Variants in E2F7 observed in about 807,000 individuals in gnomAD.
The protein encoded by E2F7 is E2F transcription factor 7.
E2F7 carries 35 observed loss-of-function variants against 81.1 expected under a neutral mutation model. The observed-to-expected ratio is 0.43, with a 90% CI of 0.33 to 0.57. The LOEUF is 0.57. Among genes scored for constraint, E2F7 ranks in the 20% least tolerant of loss-of-function variants. E2F7 has a pLI of 0.04. For missense variants in E2F7, 961 were observed against 1,093.7 expected (o/e 0.88, Z 1.71); for synonymous variants, 416 against 416.2 (o/e 1.00, Z 0.01).
chr12:77,063,715 C>G (rs1955096218), intron 2 of E2F7, among the ~76,000 whole-genome samples: 1 of 152,118 alleles, frequency 6.6e-6, no homozygotes, highest in Non-Finnish European at 1.5e-5. Flanking sequence ...TAGCAATTAT[C>G]AAGTATTCTT....
chr12:77,036,443 T>C (rs184006026), intron 7 of E2F7, among the ~76,000 whole-genome samples: 1 of 152,174 alleles, frequency 6.6e-6, no homozygotes, highest in Non-Finnish European at 1.5e-5. Flanking sequence ...GATGATTGCC[T>C]GAGCCCAGGA....
chr12:77,029,680 G>T, intron 10 of E2F7, 151 bp downstream of exon 10: 2 of 1,260,584 alleles, frequency 1.6e-6, no homozygotes, highest in Non-Finnish European at 2.2e-6. Flanking sequence ...CAAGATTTTT[G>T]GCAGAGCCAC....
In E2F7 at chr12:77,046,085, G is replaced by C; in HGVS notation, c.782C>G (p.Ser261Cys). The C allele has an allele frequency of 6.2e-7, 1 of 1,614,216 alleles. No individual in the cohort carries two copies. The highest frequency in any genetic ancestry group is 2.2e-5 in the East Asian group (1 of 44,890). Residue 261 changes from serine to cysteine, a missense_variant, in exon 5 of 13, where the codon TCC (serine) becomes TGC (cysteine). Transcript: ENST00000322886. ...GERKKDGDPD[S>C]QEQQLLDFSE... is the part of the protein sequence containing the mutation. ...GAAATCCAGTAACTGTTGTTCCTGG[G>C]AATCTGGATCACCATCTTTTTTACG... is the stretch of plus-strand genomic sequence containing the variant.
At position 77,055,257 on chromosome 12, in the gene E2F7, A is replaced by G. The variant is rs370952499; in HGVS notation, c.369+598T>C. 2.4e-4 allele frequency among the ~76,000 whole-genome samples: 36 copies of G among 152,238 alleles called. No individual in the cohort carries two copies. The South Asian group carries it at 7.0e-3, about 30-fold the overall frequency. On this transcript the variant is annotated intron_variant, in intron 3 of 12. Transcript: ENST00000322886. ...TTTGGCAATTTTTATAGCTTGAAAA[A>G]TCCGCCAAAAAGAGAAAAATGGTTA... is the stretch of plus-strand genomic sequence containing the variant.
chr12:77,045,756 C>T, intron 5 of E2F7: 1 of 382,762 alleles, frequency 2.6e-6, no homozygotes, highest in East Asian at 4.1e-5. Flanking sequence ...CAAAAAGAAC[C>T]AGCATGGGGC....
At chr12:77,052,266 A>G (rs571223116) in intron 3 of E2F7, among the ~76,000 whole-genome samples, 41 of 152,216 alleles carry the variant, frequency 2.7e-4, no homozygotes, top group Non-Finnish European at 6.0e-4. Flanking sequence ...ATGGAAGAAC[A>G]AACAGCCCAG....
rs756117596 is a variant in E2F7 at position 77,046,118 on chromosome 12, A to G, written c.749T>C (p.Phe250Ser). 3 of 1,614,146 alleles carry G rather than the reference A, an allele frequency of 1.9e-6. No homozygotes were observed. Among genetic ancestry groups the G allele is most frequent in the East Asian group, 2.2e-5 (1 of 44,880 alleles). Residue 250 changes from phenylalanine to serine, a missense_variant, in exon 5 of 13, where the codon TTT (phenylalanine) becomes TCT (serine). This residue lies in a region of E2F7 where 301 missense variants were observed against 405.0 expected (regional missense o/e 0.74). Transcript: ENST00000322886. ...QKELDLIDYK[F>S]GERKKDGDPD... ...ATCACCATCTTTTTTACGTTCTCCA[A>G]ATTTATAATCTATCAGGTCCAGCTC...
At position 77,040,032 on chromosome 12, in the gene E2F7, G is replaced by A. The variant is rs548245080; in HGVS notation, c.1123+3033C>T. On this transcript the variant is annotated intron_variant, in intron 7 of 12. Transcript: ENST00000322886. ...ATTCACAGTAGTTATGTTCTATAAA[G>A]TCACTGCAAACACTGAATTAGCAAA... Among the ~76,000 whole-genome samples the A allele has an allele frequency of 1.2e-4, 18 of 152,286 alleles. No homozygotes were observed. The East Asian group carries it at 1.5e-3, about 13-fold the overall frequency.
In E2F7 at chr12:77,034,054, A is replaced by G; in HGVS notation, c.1124-12T>C. On this transcript the variant is annotated splice_polypyrimidine_tract_variant and intron_variant, in intron 7 of 12. Transcript: ENST00000322886. Reference sequence around the variant, plus strand: ...CACCAGTTCTTCATCTACATAAACGAGAGAATTGGTAGTGTTGTTATACAG... The same window carrying G: ...CACCAGTTCTTCATCTACATAAACGGGAGAATTGGTAGTGTTGTTATACAG... 1 of 1,607,964 alleles carries G rather than the reference A, an allele frequency of 6.2e-7. No homozygotes were observed. The highest frequency in any genetic ancestry group is 8.5e-7 in the Non-Finnish European group (1 of 1,177,270).
In E2F7 at chr12:77,023,885, G is replaced by A. The variant is rs1331671451; in HGVS notation, c.*130C>T. On this transcript the variant is annotated 3_prime_UTR_variant, in exon 13 of 13. Coordinates refer to ENST00000322886, the MANE Select transcript of E2F7 (RefSeq NM_203394.3). ...GAAATCAGATGATTGATGGTGGTGGGAAGTTAACAGAAGTGTGGATGAAAG... is the reference window on the plus strand; with the variant it reads ...GAAATCAGATGATTGATGGTGGTGGAAAGTTAACAGAAGTGTGGATGAAAG... The A allele has an allele frequency of 9.5e-7, 1 of 1,057,844 alleles. No individual in the cohort carries two copies. Among genetic ancestry groups the A allele is most frequent in the Non-Finnish European group, 1.4e-6 (1 of 732,760 alleles). The allele number at this position is 1,057,844 out of a possible 1,614,324, so 65.5% of individuals were successfully genotyped here. A position where few individuals can be genotyped will look rare whatever the true frequency, so the allele number is the denominator to read the frequency against.
Position 77,031,291 on chromosome 12 carries a change from C to A in E2F7, c.1383-959G>T, listed in dbSNP as rs573226664. Among the ~76,000 whole-genome samples, 45 of 152,228 alleles carry A rather than the reference C, an allele frequency of 3.0e-4. 1 individual carries two copies. The South Asian group carries it at 7.9e-3, about 27-fold the overall frequency. ...TGGAAAAATTTCCAAATATTTAAAA[C>A]CATGTTTATGTTCTTAGTATATTTT... On this transcript the variant is annotated intron_variant, in intron 9 of 12. Transcript: ENST00000322886.
Position 77,023,112 on chromosome 12 carries a change from T to C in E2F7, c.*903A>G, listed in dbSNP as rs1177363369. On this transcript the variant is annotated 3_prime_UTR_variant, in exon 13 of 13. Transcript: ENST00000322886. ...TGATTTATTTTACAAACAGCAATTG[T>C]TAGAAGGCATCCATATCTGATGGCG... The C allele has an allele frequency of 6.6e-6, 1 of 152,244 alleles. No homozygotes were observed. Among genetic ancestry groups the C allele is most frequent in the Non-Finnish European group, 1.5e-5 (1 of 68,036 alleles). 9.4% of individuals were successfully genotyped at this position (152,244 alleles called of 1,614,324 possible).
rs552008123 is a variant in E2F7 at position 77,035,906 on chromosome 12, A to T, written c.1124-1864T>A. ...CAAATCAAACTTCTAGAGATTAAAA[A>T]AAATACAGTGGGGGGATGAAAAATA... On this transcript the variant is annotated intron_variant, in intron 7 of 12. Transcript: ENST00000322886. Among the ~76,000 whole-genome samples the T allele has an allele frequency of 8.2e-5, 11 of 134,770 alleles. No individual in the cohort carries two copies. The South Asian group carries it at 2.5e-3, about 31-fold the overall frequency. The allele number at this position is 134,770 out of a possible 152,430, so 88.4% of individuals were successfully genotyped here.
intron 7 of E2F7, among the ~76,000 whole-genome samples, chr12:77,038,925 A>G (rs983262889): frequency 2.0e-5 from 3 of 152,204 alleles, no homozygotes; most frequent in African/African-American, 7.2e-5. Context: ...AAAAAATAGT[A>G]ACAATTCTAC....
intron 11 of E2F7, among the ~76,000 whole-genome samples, chr12:77,027,510 T>C (rs1489804803): frequency 6.6e-6 from 1 of 152,218 alleles, no homozygotes; most frequent in African/African-American, 2.4e-5. Context: ...TTGGCCACAA[T>C]TCTATATACT....
At chr12:77,032,380 C>G (rs946478206) in intron 9 of E2F7, among the ~76,000 whole-genome samples, 1 of 152,224 alleles carries the variant, frequency 6.6e-6, no homozygotes, top group Non-Finnish European at 1.5e-5. Context: ...GCTTTGGTAT[C>G]TTCTGCTCCC....
At chr12:77,047,801 A>C (rs1954955171) in intron 4 of E2F7, among the ~76,000 whole-genome samples, 2 of 152,186 alleles carry the variant, frequency 1.3e-5, no homozygotes, top group Admixed American at 1.3e-4. Flanking sequence ...GCCTGCCGGA[A>C]GGTGCTGGCA....
At chr12:77,027,228 T>C (rs1014251526) in intron 11 of E2F7, among the ~76,000 whole-genome samples, 1 of 152,248 alleles carries the variant, frequency 6.6e-6, no homozygotes, top group African/African-American at 2.4e-5. Flanking sequence ...CAGCTTTATG[T>C]ACAAAGTACA....
At chr12:77,049,873 C>T (rs1410622438) in intron 4 of E2F7, among the ~76,000 whole-genome samples, 1 of 152,004 alleles carries the variant, frequency 6.6e-6, no homozygotes, top group African/African-American at 2.4e-5. Flanking sequence ...AAGGGGACAC[C>T]CTGACACCTT....
Sources: allele counts gnomAD v4.1 joint callset (sites outside exome capture counted in the v4.1 genomes callset), GRCh38; gene constraint gnomAD v4.1.1; regional missense constraint gnomAD v4.1.1; transcripts MANE v1.5; gene names NCBI Gene and HGNC (gene_info 2026-07-23, HGNC 2026-07-21).